Variants in ZNF407 observed in about 807,000 individuals in gnomAD.
ZNF407 encodes the protein zinc finger protein 407.
Under a neutral mutation model 131.2 loss-of-function variants are expected in ZNF407, and 17 were observed. The ratio of observed to expected loss-of-function variants is 0.13; its 90% CI spans 0.09 to 0.19. ZNF407 has a LOEUF of 0.19. ZNF407 is among the 10% of genes least tolerant of loss of function. The pLI, the probability that ZNF407 is intolerant of heterozygous loss-of-function variation, is 1.00. For missense variants in ZNF407, 2,681 were observed against 2,830.6 expected (o/e 0.95, Z 1.20); for synonymous variants, 1,156 against 1,062.0 (o/e 1.09, Z -1.72).
In ZNF407 at chr18:74,920,707, CT is replaced by C. The variant is rs1971836035; in HGVS notation, c.5428+16del. On this transcript the variant is annotated intron_variant, in intron 8 of 8. Transcript: ENST00000299687. Reference sequence around the variant, plus strand: ...CCTGCATGCTGGTAAGGGACAGAAACTGTGAAAACTTGTTTCTAACAGGATT... The same window carrying C: ...CCTGCATGCTGGTAAGGGACAGAAACGTGAAAACTTGTTTCTAACAGGATT... The C allele has an allele frequency of 3.2e-6, 5 of 1,583,148 alleles. No homozygotes were observed. The East Asian group carries it at 1.1e-4, about 36-fold the overall frequency.
At position 74,707,566 on chromosome 18, in the gene ZNF407, C is replaced by G. The variant is rs187659066; in HGVS notation, c.4802+66444C>G. Among the ~76,000 whole-genome samples the G allele has an allele frequency of 9.2e-5, 14 of 152,264 alleles. 1 individual carries two copies. The highest frequency in any genetic ancestry group is 1.8e-4 in the Non-Finnish European group (12 of 68,018). On this transcript the variant is annotated intron_variant, in intron 3 of 8. Transcript: ENST00000299687. ...TTGATGCTCCAAAAGTTTCGGATTT[C>G]GTAGCATTTTGGATTTCAGATTTTT...
At chr18:74,667,180 C>T (rs1985963952) in intron 3 of ZNF407, among the ~76,000 whole-genome samples, 1 of 152,186 alleles carries the variant, frequency 6.6e-6, no homozygotes, top group African/African-American at 2.4e-5. Context: ...TGCGTCTGTG[C>T]TGGGGCTGCT....
rs540612501 is a variant in ZNF407 at position 75,060,579 on chromosome 18, C to T, written c.5429-2571C>T. 6.3e-3 allele frequency among the ~76,000 whole-genome samples: 906 copies of T among 144,450 alleles called. 17 individuals are homozygous for T. The highest frequency in any genetic ancestry group is 0.022 in the African/African-American group (857 of 39,226). 94.8% of individuals were successfully genotyped at this position (144,450 alleles called of 152,430 possible). A position where few individuals can be genotyped will look rare whatever the true frequency, so the allele number is the denominator to read the frequency against. On this transcript the variant is annotated intron_variant, in intron 8 of 8. Transcript: ENST00000299687. The stretch of plus-strand genomic sequence containing the variant: ...GGAGTGCGATGGCGCGGTCTCGGCT[C>T]ACTGCGAGCTCCGCCTCCCGGGTTC...
At chr18:74,803,271 T>C (rs1015832575) in intron 4 of ZNF407, among the ~76,000 whole-genome samples, 1 of 152,322 alleles carries the variant, frequency 6.6e-6, no homozygotes, top group Non-Finnish European at 1.5e-5. Flanking sequence ...ACATCAGCAC[T>C]GTGGTGGTTG....
In ZNF407 at chr18:75,047,459, A is replaced by T. The variant is rs543966312; in HGVS notation, c.5429-15691A>T. 6.6e-5 allele frequency among the ~76,000 whole-genome samples: 10 copies of T among 152,364 alleles called. No individual in the cohort carries two copies. In the East Asian group the frequency reaches 1.7e-3, roughly 26 times the overall value. On this transcript the variant is annotated intron_variant, in intron 8 of 8. Transcript: ENST00000299687. ...TCACGTTGAAGGTGACTCTGCTGCC[A>T]GCACCCTGGCCCAGCATACTGCAGT...
At chr18:74,748,693 C>A (rs1246223708) in intron 3 of ZNF407, among the ~76,000 whole-genome samples, 1 of 152,032 alleles carries the variant, frequency 6.6e-6, no homozygotes, top group Non-Finnish European at 1.5e-5. Flanking sequence ...TGTATAATAA[C>A]ATGTACCATT....
intron 7 of ZNF407, among the ~76,000 whole-genome samples, 195 bp downstream of exon 7, chr18:74,890,233 G>A (rs1971365473): frequency 6.6e-6 from 1 of 152,160 alleles, no homozygotes; most frequent in Non-Finnish European, 1.5e-5. Flanking sequence ...ATAAAATTGA[G>A]AGGATGGTAG....
chr18:74,786,793 GTTTTTTTTTTTTTT>G (rs869103622), intron 4 of ZNF407, among the ~76,000 whole-genome samples: 4 of 89,360 alleles, frequency 4.5e-5, no homozygotes, highest in Middle Eastern at 6.7e-3. Context: ...AAAAAAGTAT[GTTTTTTTTTTTTTT>G]TTTTTTTTTT....
intron 1 of ZNF407, among the ~76,000 whole-genome samples, chr18:74,603,777 T>G (rs906594110): frequency 2.0e-5 from 3 of 152,250 alleles, no homozygotes; most frequent in Non-Finnish European, 4.4e-5. Flanking sequence ...CACTTTTCCA[T>G]AGGTAACCAC....
chr18:74,660,231 G>A (rs1985653705), intron 3 of ZNF407, among the ~76,000 whole-genome samples: 1 of 152,140 alleles, frequency 6.6e-6, no homozygotes, highest in Admixed American at 6.5e-5. Flanking sequence ...AGTTAGGGCT[G>A]TGGGTAAACA....
intron 4 of ZNF407, among the ~76,000 whole-genome samples, chr18:74,855,154 G>C (rs1170593424): frequency 6.6e-6 from 1 of 152,096 alleles, no homozygotes; most frequent in Non-Finnish European, 1.5e-5. Flanking sequence ...TTGGGCTCTG[G>C]CCTCAGTACA....
rs748226994 is a variant in ZNF407 at position 74,635,093 on chromosome 18, C to T, written c.4074C>T (p.Ser1358=). The T allele has an allele frequency of 1.5e-5, 24 of 1,613,866 alleles. No homozygotes were observed. The South Asian group carries it at 2.4e-4, about 16-fold the overall frequency. Reference sequence around the variant, plus strand: ...TGTACAGTTTTGGTCGATTTGACTCCTCCATAATAAGAATAAAGAACCCTG... The same window carrying T: ...TGTACAGTTTTGGTCGATTTGACTCTTCCATAATAAGAATAAAGAACCCTG... ...QAMYSFGRFD[S]SIIRIKNPED... Residue 1358 remains serine (S), a synonymous_variant, in exon 2 of 9, where the codon TCC becomes TCT. Transcript: ENST00000299687. The surrounding 1 kb of genome is among the most constrained non-coding windows in gnomAD (Gnocchi z 4.7).
chr18:74,860,484 A>ATATTATTATTATTAT (rs1167796493), intron 4 of ZNF407, among the ~76,000 whole-genome samples: 48 of 145,524 alleles, frequency 3.3e-4, no homozygotes, highest in African/African-American at 8.3e-4. Flanking sequence ...CAGAACCTCT[A>ATATTATTATTATTAT]TATTATTATT....
At chr18:74,794,220 T>C (rs1969877866) in intron 4 of ZNF407, among the ~76,000 whole-genome samples, 1 of 152,186 alleles carries the variant, frequency 6.6e-6, no homozygotes, top group Non-Finnish European at 1.5e-5. Context: ...GTCAGCGTCT[T>C]CACGTGTGTA....
intron 4 of ZNF407, among the ~76,000 whole-genome samples, chr18:74,798,436 T>A (rs1446814864): frequency 6.6e-6 from 1 of 152,098 alleles, no homozygotes; most frequent in Admixed American, 6.6e-5. Context: ...ACCAATTCTA[T>A]TTTTTTACCA....
chr18:74,948,327 C>T (rs137944239), intron 8 of ZNF407, among the ~76,000 whole-genome samples: 120 of 152,266 alleles, frequency 7.9e-4, no homozygotes, highest in African/African-American at 2.8e-3. Context: ...TACAAGTTGT[C>T]CACTGACATT....
intron 3 of ZNF407, among the ~76,000 whole-genome samples, chr18:74,663,178 G>A (rs1985786415): frequency 6.6e-6 from 1 of 151,982 alleles, no homozygotes; most frequent in Admixed American, 6.6e-5. Flanking sequence ...AATGAATGGG[G>A]GACCTTATAA....
intron 8 of ZNF407, among the ~76,000 whole-genome samples, chr18:75,011,251 G>A (rs1223021772): frequency 2.0e-5 from 3 of 152,132 alleles, no homozygotes; most frequent in Admixed American, 2.0e-4. Flanking sequence ...GCAAATCACT[G>A]CTCATAGCAC....
intron 7 of ZNF407, among the ~76,000 whole-genome samples, chr18:74,911,963 C>T (rs1443715034): frequency 6.6e-6 from 1 of 152,104 alleles, no homozygotes; most frequent in East Asian, 1.9e-4. Context: ...GTCTCTTTCC[C>T]ATGCCTGACA....
Sources: allele counts gnomAD v4.1 joint callset (sites outside exome capture counted in the v4.1 genomes callset), GRCh38; gene constraint gnomAD v4.1.1; non-coding constraint Gnocchi (gnomAD v3.1); transcripts MANE v1.5; gene names NCBI Gene and HGNC (gene_info 2026-07-23, HGNC 2026-07-21).